Variants in RSU1 observed in about 807,000 individuals in gnomAD.
The protein encoded by RSU1 is Ras suppressor protein 1.
Under a neutral mutation model 31.1 loss-of-function variants are expected in RSU1, and 26 were observed. The observed-to-expected ratio is 0.84, with a 90% CI of 0.61 to 1.16. The LOEUF (loss-of-function observed/expected upper bound fraction) is 1.16, where lower values mean the gene tolerates loss of function less well. Ranked by LOEUF, RSU1 falls within the 50% of genes most tolerant of loss-of-function variation. The pLI, the probability that RSU1 is intolerant of heterozygous loss-of-function variation, is 0.00. For missense variants in RSU1, 320 were observed against 339.1 expected, an observed-to-expected ratio of 0.94 and a Z score of 0.44; for synonymous variants, 164 against 136.3, an observed-to-expected ratio of 1.20 and a Z score of -1.41.
At chr10:16,731,274 C>T (rs1311007364) in intron 7 of RSU1, among the ~76,000 whole-genome samples, 2 of 151,696 alleles carry the variant, frequency 1.3e-5, no homozygotes, top group East Asian at 1.9e-4. Context: ...CTAAAAAATA[C>T]AAAAAATTAG....
intron 7 of RSU1, among the ~76,000 whole-genome samples, chr10:16,740,804 C>A (rs1022550469): frequency 1.8e-4 from 28 of 152,136 alleles, no homozygotes; most frequent in Admixed American, 1.6e-3. Flanking sequence ...TGAAAGAAAT[C>A]GAAGATCTAA....
chr10:16,695,977 T>C (rs1189256685), intron 7 of RSU1, among the ~76,000 whole-genome samples: 1 of 152,190 alleles, frequency 6.6e-6, no homozygotes, highest in African/African-American at 2.4e-5. Flanking sequence ...GGATATCCTC[T>C]GTTAATGACC....
At chr10:16,756,500 G>A (rs1437147494) in intron 4 of RSU1, among the ~76,000 whole-genome samples, 3 of 152,092 alleles carry the variant, frequency 2.0e-5, no homozygotes, top group Non-Finnish European at 4.4e-5. Flanking sequence ...TGAAGAGGAC[G>A]AAGACCTTTA....
intron 7 of RSU1, among the ~76,000 whole-genome samples, chr10:16,747,581 C>T (rs760683919): frequency 6.6e-6 from 1 of 152,168 alleles, no homozygotes. Flanking sequence ...CAGTATCCGA[C>T]CATTACTTCT....
chr10:16,782,107 A>G (rs1270109715), intron 2 of RSU1, 23 bp from the exon 3 acceptor site: 1 of 1,600,292 alleles, frequency 6.2e-7, no homozygotes, highest in Non-Finnish European at 8.5e-7. Flanking sequence ...GAAAAAAAAA[A>G]AGGTCAGTCA....
chr10:16,613,647 TC>T (rs1276373548), intron 8 of RSU1, among the ~76,000 whole-genome samples: 2 of 152,222 alleles, frequency 1.3e-5, no homozygotes, highest in Admixed American at 1.3e-4. Flanking sequence ...CTGGGAATGT[TC>T]CCTTTTCAGG....
intron 2 of RSU1, 95 bp from the exon 3 acceptor site, chr10:16,782,179 T>C: frequency 1.1e-6 from 1 of 947,494 alleles, no homozygotes; most frequent in Non-Finnish European, 1.6e-6. Context: ...GCAAAGTTAT[T>C]TTCACAGGTT....
chr10:16,628,717 T>C (rs1442407541), intron 8 of RSU1, among the ~76,000 whole-genome samples: 2 of 152,232 alleles, frequency 1.3e-5, no homozygotes, highest in Non-Finnish European at 2.9e-5. Flanking sequence ...GGAAAAAATA[T>C]GGGGCAAAGT....
At chr10:16,801,097 T>TAAAAA (rs199590345) in intron 2 of RSU1, among the ~76,000 whole-genome samples, 7 of 147,082 alleles carry the variant, frequency 4.8e-5, no homozygotes, top group African/African-American at 1.7e-4. Context: ...ATCTTTTTTT[T>TAAAAA]AAAAAAAAAA....
intron 2 of RSU1, among the ~76,000 whole-genome samples, chr10:16,815,861 A>G (rs113667087): frequency 6.6e-6 from 1 of 152,190 alleles, no homozygotes; most frequent in African/African-American, 2.4e-5. Context: ...CGACTGAGAA[A>G]GAGGGAAAAC....
intron 7 of RSU1, among the ~76,000 whole-genome samples, chr10:16,728,587 C>A (rs1052394639): frequency 1.3e-5 from 2 of 152,154 alleles, no homozygotes; most frequent in East Asian, 3.9e-4. Flanking sequence ...GGGGTGATGG[C>A]TCCCCAAATA....
intron 2 of RSU1, among the ~76,000 whole-genome samples, chr10:16,785,403 T>TATATA (rs1554774653): frequency 6.8e-5 from 9 of 131,480 alleles, no homozygotes; most frequent in Non-Finnish European, 1.2e-4. Context: ...TCTCTCTATC[T>TATATA]TTCTATATAT....
intron 7 of RSU1, among the ~76,000 whole-genome samples, chr10:16,718,961 A>G (rs1836199296): frequency 6.7e-6 from 1 of 150,246 alleles, no homozygotes; most frequent in South Asian, 2.1e-4. Context: ...AGCCTGGGCA[A>G]CAGAGAGTGA....
intron 2 of RSU1, among the ~76,000 whole-genome samples, chr10:16,796,835 C>A (rs1320173296): frequency 6.6e-6 from 1 of 152,124 alleles, no homozygotes; most frequent in Non-Finnish European, 1.5e-5. Context: ...TACAACAAAA[C>A]TAGGTTATAA....
At chr10:16,790,524 G>T (rs932952206) in intron 2 of RSU1, among the ~76,000 whole-genome samples, 27 of 152,064 alleles carry the variant, frequency 1.8e-4, no homozygotes, top group Admixed American at 6.5e-5. Flanking sequence ...CTTTAGGGTA[G>T]AGAGTACACC....
chr10:16,641,028 G>C (rs138908753), intron 8 of RSU1, among the ~76,000 whole-genome samples: 2 of 152,186 alleles, frequency 1.3e-5, no homozygotes, highest in African/African-American at 4.8e-5. Context: ...CAGGCTCTAC[G>C]TCAGGAAAAC....
intron 7 of RSU1, among the ~76,000 whole-genome samples, chr10:16,725,123 G>A (rs12253844): frequency 0.01 from 1,526 of 152,230 alleles, 20 homozygotes; most frequent in African/African-American, 0.034. Flanking sequence ...TTGATCATTC[G>A]CTGAACTATA....
chr10:16,616,003 A>AAGAC (rs1389137697), intron 8 of RSU1, among the ~76,000 whole-genome samples: 4 of 152,308 alleles, frequency 2.6e-5, no homozygotes, highest in African/African-American at 9.6e-5. Context: ...AAGCTAGCAG[A>AAGAC]AGACAAGAAA....
intron 2 of RSU1, among the ~76,000 whole-genome samples, chr10:16,786,956 A>C (rs1837804080): frequency 6.6e-6 from 1 of 152,096 alleles, no homozygotes; most frequent in Admixed American, 6.6e-5. Flanking sequence ...TGGTCCCCAG[A>C]GCCAGCTTGC....
Sources: gnomAD v4.1 joint callset for allele counts (sites outside exome capture counted in the v4.1 genomes callset) on GRCh38, gnomAD v4.1.1 for gene constraint, MANE v1.5 for transcripts, NCBI Gene and HGNC (gene_info 2026-07-23, HGNC 2026-07-21) for gene names.